The following ABI1 variants were observed in gnomAD, a reference collection of about 807,000 sequenced individuals.
The protein encoded by ABI1 is abl interactor 1.
In ABI1, 14 loss-of-function variants were observed where a neutral mutation model predicts 54.6. The observed-to-expected ratio is 0.26, with a 90% confidence interval of 0.17 to 0.40. The LOEUF (loss-of-function observed/expected upper bound fraction) is 0.40, where lower values mean the gene tolerates loss of function less well. Among genes scored for constraint, ABI1 ranks in the 10% least tolerant of loss-of-function variants. The probability of loss-of-function intolerance (pLI) is 1.00; values close to 1 mark genes in which losing one functional copy is unlikely to be tolerated. For missense variants in ABI1, 443 were observed against 598.3 expected (o/e 0.74, Z 2.71); for synonymous variants, 194 against 209.3 (o/e 0.93, Z 0.63).
At chr10:26,851,830 A>G (rs948175209) in intron 1 of ABI1, among the ~76,000 whole-genome samples, 1 of 152,188 alleles carries the variant, frequency 6.6e-6, no homozygotes, top group Non-Finnish European at 1.5e-5. Flanking sequence ...TATTTTCTCT[A>G]TGAACCAAAA....
At chr10:26,830,784 T>C (rs1362547943) in intron 1 of ABI1, among the ~76,000 whole-genome samples, 1 of 152,206 alleles carries the variant, frequency 6.6e-6, no homozygotes, top group Non-Finnish European at 1.5e-5. Flanking sequence ...TTCTAGTAGG[T>C]ATATAGTGGT....
intron 2 of ABI1, among the ~76,000 whole-genome samples, chr10:26,798,334 C>A (rs1844453790): frequency 6.6e-6 from 1 of 151,834 alleles, no homozygotes; most frequent in South Asian, 2.1e-4. Flanking sequence ...AATGAAATCA[C>A]GAGGGTCCTT....
intron 2 of ABI1, among the ~76,000 whole-genome samples, chr10:26,792,720 A>G (rs1389960678): frequency 1.3e-5 from 2 of 152,232 alleles, no homozygotes; most frequent in African/African-American, 2.4e-5. Context: ...AAAAGCAATT[A>G]TATTTAGAGA....
At chr10:26,806,162 T>C (rs931558757) in intron 2 of ABI1, among the ~76,000 whole-genome samples, 2 of 152,206 alleles carry the variant, frequency 1.3e-5, no homozygotes, top group African/African-American at 4.8e-5. Context: ...ATCTTCATTC[T>C]ACCCTCCTGA....
intron 2 of ABI1, among the ~76,000 whole-genome samples, chr10:26,780,921 C>T (rs1842023856): frequency 6.6e-6 from 1 of 152,188 alleles, no homozygotes; most frequent in Non-Finnish European, 1.5e-5. Context: ...ATTCAATGTA[C>T]TACTGTTTGT....
intron 1 of ABI1, among the ~76,000 whole-genome samples, chr10:26,856,998 T>C (rs1267404885): frequency 6.6e-6 from 1 of 152,134 alleles, no homozygotes; most frequent in Non-Finnish European, 1.5e-5. Flanking sequence ...GAAAAGTCTC[T>C]TCTGTATGTC....
chr10:26,770,723 A>T (rs1840584455), intron 4 of ABI1, among the ~76,000 whole-genome samples: 1 of 152,220 alleles, frequency 6.6e-6, no homozygotes. Flanking sequence ...TACGCATCTG[A>T]AAAATCATCT....
chr10:26,835,294 G>C (rs538475724), intron 1 of ABI1, among the ~76,000 whole-genome samples: 1 of 152,132 alleles, frequency 6.6e-6, no homozygotes, highest in African/African-American at 2.4e-5. Context: ...ACTAAAATTA[G>C]TCAGGCACAA....
At chr10:26,827,283 G>T (rs935130845) in intron 1 of ABI1, among the ~76,000 whole-genome samples, 1 of 148,850 alleles carries the variant, frequency 6.7e-6, no homozygotes, top group South Asian at 2.1e-4. Context: ...GTGCAGTGGC[G>T]TGATCTCGGC....
chr10:26,788,537 T>C (rs1386545034), intron 2 of ABI1, among the ~76,000 whole-genome samples: 2 of 152,208 alleles, frequency 1.3e-5, no homozygotes, highest in African/African-American at 4.8e-5. Context: ...ATGAATGTGA[T>C]TTAGGTTCAA....
At chr10:26,825,361 G>GA (rs1163798925) in intron 1 of ABI1, among the ~76,000 whole-genome samples, 8 of 151,410 alleles carry the variant, frequency 5.3e-5, no homozygotes, top group African/African-American at 1.9e-4. Context: ...CCCTGTCTCT[G>GA]AAAAAAAAAT....
At chr10:26,835,122 A>G (rs898131890) in intron 1 of ABI1, among the ~76,000 whole-genome samples, 2 of 150,404 alleles carry the variant, frequency 1.3e-5, no homozygotes, top group Non-Finnish European at 3.0e-5. Flanking sequence ...AAAACCCACA[A>G]TGCAATATCA....
chr10:26,800,959 T>C (rs917085579), intron 2 of ABI1, among the ~76,000 whole-genome samples: 10 of 152,212 alleles, frequency 6.6e-5, no homozygotes, highest in Non-Finnish European at 1.3e-4. Context: ...TGAGCCGAGA[T>C]TGTGCCATTG....
chr10:26,798,178 C>G (rs1340322715), intron 2 of ABI1, among the ~76,000 whole-genome samples: 3 of 152,134 alleles, frequency 2.0e-5, no homozygotes, highest in Non-Finnish European at 2.9e-5. Context: ...GGAGCTTGTA[C>G]TTTTATGCCA....
intron 2 of ABI1, among the ~76,000 whole-genome samples, chr10:26,786,999 G>A (rs541785301): frequency 5.3e-5 from 8 of 152,136 alleles, no homozygotes; most frequent in Admixed American, 5.2e-4. Flanking sequence ...TTCTCTATTG[G>A]TTTATGTAAG....
chr10:26,843,485 A>AATATATATATATATAT (rs779960397), intron 1 of ABI1, among the ~76,000 whole-genome samples: 5 of 34,154 alleles, frequency 1.5e-4, no homozygotes, highest in African/African-American at 6.0e-4. Context: ...AAAAAAAAAA[A>AATATATATATATATAT]ATATATATAT....
At chr10:26,793,319 CA>C (rs1588894760) in intron 2 of ABI1, among the ~76,000 whole-genome samples, 1 of 152,274 alleles carries the variant, frequency 6.6e-6, no homozygotes. Flanking sequence ...GCCTTATGCC[CA>C]AAATTCTGTG....
At chr10:26,835,567 C>A (rs1413384474) in intron 1 of ABI1, among the ~76,000 whole-genome samples, 1 of 145,040 alleles carries the variant, frequency 6.9e-6, no homozygotes, top group Non-Finnish European at 1.5e-5. Context: ...AGAGTTAGAC[C>A]CTGTCTCCAA....
chr10:26,770,473 T>A (rs747093075), intron 4 of ABI1, 128 bp from the exon 5 acceptor site: 2 of 967,924 alleles, frequency 2.1e-6, no homozygotes, highest in Non-Finnish European at 3.3e-6. Context: ...GAATAAAGAC[T>A]TTGGTACTAC....
Sources: allele counts gnomAD v4.1 joint callset (sites outside exome capture counted in the v4.1 genomes callset), GRCh38; gene constraint gnomAD v4.1.1; transcripts MANE v1.5; gene names NCBI Gene and HGNC (gene_info 2026-07-23, HGNC 2026-07-21).